Variants in ZNF26 observed in about 807,000 individuals in gnomAD.
The protein encoded by ZNF26 is zinc finger protein 26.
A neutral mutation model predicts 54.9 loss-of-function variants in ZNF26; 32 were observed. That is an observed-to-expected ratio of 0.58 (90% CI 0.44 to 0.78). The LOEUF (loss-of-function observed/expected upper bound fraction) is 0.78. Among genes scored for constraint, ZNF26 ranks in the 30% least tolerant of loss-of-function variants. ZNF26 has a pLI of 0.00. For missense variants in ZNF26, 524 were observed against 634.0 expected, an observed-to-expected ratio of 0.83 and a Z score of 1.86; for synonymous variants, 221 against 209.2, an observed-to-expected ratio of 1.06 and a Z score of -0.49.
intron 1 of ZNF26, among the ~76,000 whole-genome samples, chr12:132,988,417 T>A (rs1005964278): frequency 7.0e-4 from 106 of 152,004 alleles, no homozygotes; most frequent in South Asian, 5.0e-3. Flanking sequence ...AAATTTTTTT[T>A]TTTTTTTGTA....
At position 133,026,164 on chromosome 12, in the gene ZNF26, C is replaced by T. The variant is rs10870566; in HGVS notation, c.*14683C>T. 17,453 of 150,068 alleles carry T rather than the reference C, an allele frequency of 0.12. 1,273 individuals are homozygous for T. Among genetic ancestry groups the T allele is most frequent in the Non-Finnish European group, 0.16 (10,493 of 67,408 alleles). 9.3% of individuals were successfully genotyped at this position (150,068 alleles called of 1,614,324 possible). A position where few individuals can be genotyped will look rare whatever the true frequency, so the allele number is the denominator to read the frequency against. On this transcript the variant is annotated 3_prime_UTR_variant, in exon 4 of 4. Transcript: ENST00000328654. ...TTTCCCAGGCTGGAGTGCAGTGGCA[C>T]GATCCTGGCTCACTGCAGCCTCCTC...
At chr12:132,989,853 C>A (rs981775916) in intron 1 of ZNF26, among the ~76,000 whole-genome samples, 1 of 152,142 alleles carries the variant, frequency 6.6e-6, no homozygotes, top group African/African-American at 2.4e-5. Context: ...AGTGGGAAAG[C>A]TTCAAGTTTC....
Position 133,001,723 on chromosome 12 carries a change from C to T in ZNF26, c.34-5319C>T. 2.3e-6 allele frequency: 3 copies of T among 1,289,016 alleles called. No homozygotes were observed. Among genetic ancestry groups the T allele is most frequent in the East Asian group, 1.1e-4 (2 of 18,020 alleles). 79.8% of individuals were successfully genotyped at this position (1,289,016 alleles called of 1,614,324 possible). A position where few individuals can be genotyped will look rare whatever the true frequency, so the allele number is the denominator to read the frequency against. On this transcript the variant is annotated intron_variant, in intron 1 of 3. Transcript: ENST00000328654. The surrounding 1 kb of genome is among the most constrained non-coding windows in gnomAD (Gnocchi z 4.7). ...TCCTTGGGCCCAGGGAAACAGTGCC[C>T]TGCCTGAGGTGAGCCGCAGGGAGGC...
rs1321048793 is a variant in ZNF26, at chr12:133,015,976, T to G, written c.*4495T>G. 1 of 152,232 alleles carries G rather than the reference T, an allele frequency of 6.6e-6. No homozygotes were observed. Among genetic ancestry groups the G allele is most frequent in the Non-Finnish European group, 1.5e-5 (1 of 68,042 alleles). 9.4% of individuals were successfully genotyped at this position (152,232 alleles called of 1,614,324 possible). A position where few individuals can be genotyped will look rare whatever the true frequency, so the allele number is the denominator to read the frequency against. On this transcript the variant is annotated 3_prime_UTR_variant, in exon 4 of 4. Coordinates refer to ENST00000328654, the MANE Select transcript of ZNF26 (RefSeq NM_019591.4). ...CCATATATTTCCATATATCTTCATT[T>G]GTCTTGGGGGTAAGTGTTGAGAGAA... is the stretch of plus-strand genomic sequence containing the variant.
chr12:133,001,925 G>A lies in ZNF26; in HGVS notation c.34-5117G>A, dbSNP rs1009841408. Among the ~76,000 whole-genome samples the A allele has an allele frequency of 3.3e-5, 5 of 152,224 alleles. No individual in the cohort carries two copies. In the South Asian group the frequency reaches 1.0e-3, roughly 32 times the overall value. ...AAAATTACCCAGATTTAGCCTGGTC[G>A]GCTGTTGCAGATGTCCAGGTTGTGT... On this transcript the variant is annotated intron_variant, in intron 1 of 3. Coordinates refer to ENST00000328654, the MANE Select transcript of ZNF26 (RefSeq NM_019591.4). This position sits in a 1 kb window ranked among gnomAD's most constrained non-coding sequence, Gnocchi z 4.7.
At chr12:133,009,556 C>T (rs1953423432) in intron 3 of ZNF26, among the ~76,000 whole-genome samples, 1 of 151,574 alleles carries the variant, frequency 6.6e-6, no homozygotes, top group African/African-American at 2.4e-5. Context: ...TGCGCCACTG[C>T]ACTCCAGCCT....
chr12:132,987,560 G>T (rs1952851943), intron 1 of ZNF26: 2 of 252,436 alleles, frequency 7.9e-6, no homozygotes, highest in Non-Finnish European at 1.3e-5. Context: ...GCCGGATGTG[G>T]TGCTCTACCA....
At chr12:133,000,543 G>A (rs1593651983) in intron 1 of ZNF26, among the ~76,000 whole-genome samples, 1 of 150,034 alleles carries the variant, frequency 6.7e-6, no homozygotes, top group Admixed American at 6.8e-5. Flanking sequence ...TCCTGCCTCA[G>A]CCTCCCGAGT....
At chr12:133,003,436 A>C (rs1361991682) in intron 1 of ZNF26, among the ~76,000 whole-genome samples, 1 of 151,884 alleles carries the variant, frequency 6.6e-6, no homozygotes. Flanking sequence ...TTGCATTTTT[A>C]GTAGAGACGG....
Position 133,000,412 on chromosome 12 carries a change from T to A in ZNF26, c.34-6630T>A, listed in dbSNP as rs1301681418. Reference sequence around the variant, plus strand: ...GACTACAGGCATGCGCCGCCATACCTGGCTAATTTTTTTTTTTTTTTTTTT... The same window carrying A: ...GACTACAGGCATGCGCCGCCATACCAGGCTAATTTTTTTTTTTTTTTTTTT... On this transcript the variant is annotated intron_variant, in intron 1 of 3. Transcript: ENST00000328654. Among the ~76,000 whole-genome samples the A allele has an allele frequency of 3.7e-4, 47 of 128,646 alleles. 2 individuals are homozygous for A. The South Asian group carries it at 0.011, about 30-fold the overall frequency. 84.4% of individuals were successfully genotyped at this position (128,646 alleles called of 152,430 possible). A position where few individuals can be genotyped will look rare whatever the true frequency, so the allele number is the denominator to read the frequency against.
At chr12:133,007,012 T>C in intron 1 of ZNF26, 30 bp from the exon 2 acceptor site, 1 of 1,612,990 alleles carries the variant, frequency 6.2e-7, no homozygotes, top group Non-Finnish European at 8.5e-7. Flanking sequence ...TGTAATTGCA[T>C]CCAATTGAAC....
chr12:133,008,674 G>C (rs1343463644), intron 3 of ZNF26, among the ~76,000 whole-genome samples: 2 of 151,534 alleles, frequency 1.3e-5, no homozygotes, highest in Admixed American at 1.3e-4. Flanking sequence ...TACTCAGGAG[G>C]CTGAGGCAGG....
At chr12:133,006,274 A>G (rs1953323808) in intron 1 of ZNF26, 1 of 985,424 alleles carries the variant, frequency 1.0e-6, no homozygotes, top group Non-Finnish European at 1.2e-6. Context: ...GTAGAAGGAT[A>G]AACTCTCTTG....
chr12:133,003,437 G>A (rs1013524673), intron 1 of ZNF26, among the ~76,000 whole-genome samples: 3 of 151,966 alleles, frequency 2.0e-5, no homozygotes, highest in Non-Finnish European at 4.4e-5. Context: ...TGCATTTTTA[G>A]TAGAGACGGG....
intron 1 of ZNF26, among the ~76,000 whole-genome samples, chr12:132,993,467 T>C (rs1434970815): frequency 6.6e-6 from 1 of 151,920 alleles, no homozygotes; most frequent in African/African-American, 2.4e-5. Flanking sequence ...GTTTTTGTTT[T>C]TGTTTTTATT....
intron 1 of ZNF26, among the ~76,000 whole-genome samples, chr12:132,989,129 T>C (rs1297821250): frequency 7.2e-6 from 1 of 138,816 alleles, no homozygotes; most frequent in Non-Finnish European, 1.5e-5. Context: ...CTCCACCTCC[T>C]GGGTTCAAGC....
At chr12:132,995,394 T>G (rs76481321) in intron 1 of ZNF26, 1 of 146,666 alleles carries the variant, frequency 6.8e-6, no homozygotes, top group African/African-American at 2.5e-5. Flanking sequence ...GTCTCCTTGT[T>G]TTTTTTTTTT....
intron 1 of ZNF26, among the ~76,000 whole-genome samples, chr12:132,992,259 C>CT (rs1952980839): frequency 2.0e-5 from 3 of 151,734 alleles, no homozygotes; most frequent in South Asian, 2.1e-4. Context: ...TTGAGAAAGA[C>CT]TTTTTTTTAC....
At chr12:133,008,768 T>A (rs7954860) in intron 3 of ZNF26, among the ~76,000 whole-genome samples, 1 of 127,682 alleles carries the variant, frequency 7.8e-6, no homozygotes, top group African/African-American at 3.3e-5. Flanking sequence ...AGAGCGAGAC[T>A]CCATCTCAAA....
Sources: allele counts gnomAD v4.1 joint callset (sites outside exome capture counted in the v4.1 genomes callset), GRCh38; gene constraint gnomAD v4.1.1; non-coding constraint Gnocchi (gnomAD v3.1); transcripts MANE v1.5; gene names NCBI Gene and HGNC (gene_info 2026-07-23, HGNC 2026-07-21).